DAB1: variants seen among roughly 807,000 people sequenced by gnomAD.
DAB1 encodes disabled homolog 1.
DAB1 carries 15 observed loss-of-function variants against 64.6 expected under a neutral mutation model. The ratio of observed to expected loss-of-function variants is 0.23; its 90% CI spans 0.16 to 0.36. DAB1 has a LOEUF of 0.36. Ranked by LOEUF, DAB1 falls within the 10% of genes least tolerant of loss-of-function variation. DAB1 has a pLI of 1.00. For synonymous variants in DAB1, 235 were observed against 251.9 expected (o/e 0.93, Z 0.64); for missense variants, 596 against 706.7 (o/e 0.84, Z 1.78).
intron 7 of DAB1, among the ~76,000 whole-genome samples, chr1:57,445,112 T>C (rs1327863440): frequency 6.6e-6 from 1 of 152,200 alleles, no homozygotes; most frequent in African/African-American, 2.4e-5. Context: ...TTTAAAAATG[T>C]TATGGGTATA....
chr1:57,308,435 C>T (rs1471285840), intron 1 of DAB1, among the ~76,000 whole-genome samples: 1 of 152,140 alleles, frequency 6.6e-6, no homozygotes, highest in Non-Finnish European at 1.5e-5. Flanking sequence ...ATATCAAATA[C>T]TCCTTTGAAA....
At chr1:57,636,108 AAAAAAC>A (rs1558562495) in intron 7 of DAB1, among the ~76,000 whole-genome samples, 3 of 149,572 alleles carry the variant, frequency 2.0e-5, no homozygotes, top group Non-Finnish European at 4.4e-5. Context: ...AAAAAAAAAA[AAAAAAC>A]AAAAACAAAA....
intron 7 of DAB1, among the ~76,000 whole-genome samples, chr1:57,536,421 T>C (rs1050838480): frequency 1.3e-5 from 2 of 152,214 alleles, no homozygotes; most frequent in Non-Finnish European, 2.9e-5. Flanking sequence ...CTGAGGACCT[T>C]GACAAAATCT....
intron 3 of DAB1, among the ~76,000 whole-genome samples, chr1:58,349,517 G>T (rs767146457): frequency 6.6e-6 from 1 of 151,912 alleles, no homozygotes; most frequent in Admixed American, 6.6e-5. Flanking sequence ...GTGCAGGTTT[G>T]TTATATAGGT....
chr1:57,542,474 T>C (rs1644813690), intron 7 of DAB1, among the ~76,000 whole-genome samples: 1 of 147,664 alleles, frequency 6.8e-6, no homozygotes, highest in African/African-American at 2.5e-5. Context: ...CTATACTAGA[T>C]GGACCAAGAC....
chr1:58,096,877 C>G (rs912976424), intron 5 of DAB1, among the ~76,000 whole-genome samples: 5 of 152,230 alleles, frequency 3.3e-5, no homozygotes, highest in Non-Finnish European at 7.3e-5. Context: ...GACTGGCCAG[C>G]CTTCTCACTG....
chr1:57,836,752 T>G (rs1037640710), intron 1 of DAB1, among the ~76,000 whole-genome samples: 9 of 152,206 alleles, frequency 5.9e-5, no homozygotes, highest in African/African-American at 1.4e-4. Flanking sequence ...AGATCGTATC[T>G]TTTTTCCTAT....
At chr1:57,544,220 G>A (rs550793872) in intron 7 of DAB1, among the ~76,000 whole-genome samples, 1 of 152,202 alleles carries the variant, frequency 6.6e-6, no homozygotes, top group Non-Finnish European at 1.5e-5. Context: ...AGATTTGTGT[G>A]TGGCTAGTCA....
chr1:57,130,976 A>G (rs2100780762), intron 4 of DAB1, among the ~76,000 whole-genome samples: 1 of 152,328 alleles, frequency 6.6e-6, no homozygotes, highest in Middle Eastern at 3.4e-3. Flanking sequence ...ATAGCATAGG[A>G]AAATATCTTT....
At chr1:57,419,880 C>T (rs144872843) in intron 1 of DAB1, among the ~76,000 whole-genome samples, 1 of 152,368 alleles carries the variant, frequency 6.6e-6, no homozygotes, top group Non-Finnish European at 1.5e-5. Context: ...CTCCTTACCA[C>T]CTGCTATACC....
At chr1:57,170,795 GT>G (rs1381331702) in intron 2 of DAB1, among the ~76,000 whole-genome samples, 1 of 152,180 alleles carries the variant, frequency 6.6e-6, no homozygotes, top group Admixed American at 6.5e-5. Context: ...ACAGATGTGA[GT>G]TTTGGAGGGG....
chr1:58,275,428 T>C (rs1210508822), intron 4 of DAB1, among the ~76,000 whole-genome samples: 1 of 152,134 alleles, frequency 6.6e-6, no homozygotes. Flanking sequence ...ATCATATATC[T>C]GATACAGAGT....
At chr1:57,915,227 A>G (rs554786477) in intron 5 of DAB1, among the ~76,000 whole-genome samples, 3 of 151,896 alleles carry the variant, frequency 2.0e-5, no homozygotes, top group Admixed American at 6.6e-5. Context: ...CAAAACTATT[A>G]CTTTGTTTCT....
chr1:57,615,666 T>C (rs1645782843), intron 7 of DAB1, among the ~76,000 whole-genome samples: 1 of 151,050 alleles, frequency 6.6e-6, no homozygotes, highest in Non-Finnish European at 1.5e-5. Context: ...ATTTCCCATG[T>C]GAATCAATAA....
At chr1:58,486,240 T>C (rs1645574049) in intron 3 of DAB1, among the ~76,000 whole-genome samples, 1 of 152,170 alleles carries the variant, frequency 6.6e-6, no homozygotes, top group Non-Finnish European at 1.5e-5. Context: ...AGTATGTACA[T>C]CCAACATCTA....
intron 6 of DAB1, among the ~76,000 whole-genome samples, chr1:57,763,992 AGGTAAGTT>A (rs1455259023): frequency 1.3e-5 from 2 of 152,212 alleles, no homozygotes; most frequent in Non-Finnish European, 2.9e-5. Flanking sequence ...AGCCATACTC[AGGTAAGTT>A]GCAAAGACTA....
intron 4 of DAB1, among the ~76,000 whole-genome samples, chr1:58,158,134 T>C (rs961841337): frequency 6.6e-6 from 1 of 152,134 alleles, no homozygotes; most frequent in African/African-American, 2.4e-5. Context: ...ATTCTCTTCA[T>C]TTGCATGGAG....
At chr1:58,282,671 G>A (rs991914972) in intron 4 of DAB1, among the ~76,000 whole-genome samples, 2 of 151,408 alleles carry the variant, frequency 1.3e-5, no homozygotes, top group African/African-American at 4.9e-5. Flanking sequence ...GGAATGAGCA[G>A]AGCTGAGGCT....
At chr1:57,070,582 C>T (rs898145790) in intron 7 of DAB1, among the ~76,000 whole-genome samples, 1 of 152,200 alleles carries the variant, frequency 6.6e-6, no homozygotes, top group Non-Finnish European at 1.5e-5. Flanking sequence ...GAGAGTCCTC[C>T]TCATAGCCTT....
Sources: allele counts gnomAD v4.1 joint callset (sites outside exome capture counted in the v4.1 genomes callset), GRCh38; gene constraint gnomAD v4.1.1; transcripts MANE v1.5; gene names NCBI Gene and HGNC (gene_info 2026-07-23, HGNC 2026-07-21).